The following VDAC1 variants were observed in gnomAD, a reference collection of about 807,000 sequenced individuals.
The protein encoded by VDAC1 is voltage dependent anion channel 1.
VDAC1 carries 10 observed loss-of-function variants against 34.7 expected under a neutral mutation model. That is an observed-to-expected ratio of 0.29 (90% CI 0.18 to 0.49). The LOEUF (loss-of-function observed/expected upper bound fraction) is 0.49, where lower values mean the gene tolerates loss of function less well. VDAC1 is among the 20% of genes least tolerant of loss of function. VDAC1 has a pLI of 0.99. For missense variants in VDAC1, 230 were observed against 347.9 expected, an observed-to-expected ratio of 0.66 and a Z score of 2.69; for synonymous variants, 130 against 136.0, an observed-to-expected ratio of 0.96 and a Z score of 0.30.
the VDAC1 span, among the ~76,000 whole-genome samples, chr5:134,053,723 G>A: frequency 6.6e-6 from 1 of 152,208 alleles, no homozygotes; most frequent in East Asian, 1.9e-4. Flanking sequence ...GTGCTACCCA[G>A]TCAGGGCAGC....
the VDAC1 span, among the ~76,000 whole-genome samples, chr5:134,071,573 A>G: frequency 1.3e-5 from 2 of 152,380 alleles, no homozygotes; most frequent in South Asian, 2.1e-4. This position sits in a 1 kb window ranked among gnomAD's most constrained non-coding sequence, Gnocchi z 4.1. Context: ...CCAGACCAAA[A>G]GTAACACCTT....
the VDAC1 span, among the ~76,000 whole-genome samples, chr5:134,110,240 A>C: frequency 6.6e-6 from 1 of 152,234 alleles, no homozygotes; most frequent in Non-Finnish European, 1.5e-5. Flanking sequence ...ATGAACTGCC[A>C]ATTTTGTTAT....
chr5:134,087,341 G>A, the VDAC1 span, among the ~76,000 whole-genome samples: 7 of 151,882 alleles, frequency 4.6e-5, no homozygotes, highest in East Asian at 5.8e-4. Flanking sequence ...TGAAAGGTCC[G>A]GGGAAGAGCC....
At chr5:134,078,251 T>C in the VDAC1 span, among the ~76,000 whole-genome samples, 2 of 151,990 alleles carry the variant, frequency 1.3e-5, no homozygotes, top group Non-Finnish European at 2.9e-5. Context: ...AAAACTGAGC[T>C]GCACACACAG....
chr5:133,972,788 G>T lies in VDAC1; in HGVS notation c.835C>A (p.Leu279Met). The T allele has an allele frequency of 6.2e-7, 1 of 1,609,392 alleles. No homozygotes were observed. The highest frequency in any genetic ancestry group is 8.5e-7 in the Non-Finnish European group (1 of 1,175,766). ...NAGGHKLGLG[L>M]EFQA ...GTATTCATTTATGCTTGAAATTCCA[G>T]TCCTAGACCAAGCTTGTGGCCACCA... The change falls in exon 9 of 9, where the codon CTG (leucine) becomes ATG (methionine). Residue 279 changes from leucine (L) to methionine (M), a missense_variant. Coordinates refer to ENST00000265333, the MANE Select transcript of VDAC1 (RefSeq NM_003374.3).
At chr5:134,095,314 T>C in the VDAC1 span, among the ~76,000 whole-genome samples, 1 of 151,722 alleles carries the variant, frequency 6.6e-6, no homozygotes, top group African/African-American at 2.4e-5. Flanking sequence ...AGATCCCATC[T>C]CTACAAAAAA....
the VDAC1 span, among the ~76,000 whole-genome samples, chr5:134,061,768 A>G: frequency 6.6e-6 from 1 of 151,562 alleles, no homozygotes; most frequent in Non-Finnish European, 1.5e-5. Context: ...TCTTTTTCTC[A>G]TCTTACTATG....
chr5:134,001,899 C>T (rs976479698), intron 1 of VDAC1, among the ~76,000 whole-genome samples: 3 of 151,996 alleles, frequency 2.0e-5, no homozygotes, highest in East Asian at 1.9e-4. Flanking sequence ...CCCCTGAGTA[C>T]GTGGTAAAAT....
the VDAC1 span, among the ~76,000 whole-genome samples, chr5:134,108,426 G>C: frequency 1.8e-3 from 273 of 152,320 alleles, 1 homozygote; most frequent in African/African-American, 6.3e-3. Context: ...CCTGGTTAGA[G>C]CTGTGGTGAG....
At chr5:134,064,648 T>C in the VDAC1 span, among the ~76,000 whole-genome samples, 1 of 152,068 alleles carries the variant, frequency 6.6e-6, no homozygotes. Flanking sequence ...GATTTGTTAC[T>C]AAGCAATAGA....
rs942707859 is a variant in VDAC1, at chr5:133,995,525, A to C, written c.-6-2507T>G. Among the ~76,000 whole-genome samples the C allele has an allele frequency of 4.6e-5, 7 of 152,304 alleles. No homozygotes were observed. The South Asian group carries it at 1.5e-3, about 32-fold the overall frequency. On this transcript the variant is annotated intron_variant, in intron 1 of 8. Transcript: ENST00000265333. The stretch of plus-strand genomic sequence containing the variant: ...AGAAACCACTGGCTGAATGGAGTCA[A>C]GTCCACTCCTGGGCCTGAAGTGACA...
chr5:134,039,908 CTCCTGCAGTCTGGA>C, the VDAC1 span, among the ~76,000 whole-genome samples: 21 of 152,316 alleles, frequency 1.4e-4, no homozygotes, highest in African/African-American at 4.8e-4. Context: ...TTCCAGACTG[CTCCTGCAGTCTGGA>C]ACGCAGACAC....
chr5:133,989,347 T>C (rs1753016968), intron 5 of VDAC1: 2 of 151,090 alleles, frequency 1.3e-5, no homozygotes, highest in African/African-American at 4.9e-5. Flanking sequence ...GTTTTATATG[T>C]ATATCTTACC....
intron 5 of VDAC1, among the ~76,000 whole-genome samples, chr5:133,987,852 A>G (rs1411583151): frequency 2.0e-5 from 3 of 152,256 alleles, no homozygotes; most frequent in African/African-American, 7.2e-5. Flanking sequence ...ATCACCAAAA[A>G]TGAGGCCTAC....
chr5:134,017,729 C>A, the VDAC1 span, among the ~76,000 whole-genome samples: 89 of 151,920 alleles, frequency 5.9e-4, no homozygotes, highest in African/African-American at 2.0e-3. Flanking sequence ...CTGGCTAACA[C>A]GGTGAAACCC....
the VDAC1 span, among the ~76,000 whole-genome samples, chr5:134,048,303 G>A: frequency 8.1e-5 from 12 of 147,274 alleles, no homozygotes; most frequent in Non-Finnish European, 1.0e-4. Context: ...GTCTCGCTCT[G>A]TCGCCCAGGC....
chr5:133,979,315 G>A (rs1432217170), intron 6 of VDAC1, among the ~76,000 whole-genome samples: 1 of 150,858 alleles, frequency 6.6e-6, no homozygotes, highest in Non-Finnish European at 1.5e-5. Flanking sequence ...ATGCCAATCA[G>A]AATTCTACGT....
chr5:133,980,095 C>T (rs1352921702), intron 6 of VDAC1, among the ~76,000 whole-genome samples: 2 of 152,186 alleles, frequency 1.3e-5, no homozygotes, highest in African/African-American at 4.8e-5. Flanking sequence ...TTGTGCCTGT[C>T]ACAGGTTAAT....
At chr5:134,110,890 A>T in the VDAC1 span, among the ~76,000 whole-genome samples, 3 of 152,250 alleles carry the variant, frequency 2.0e-5, no homozygotes, top group African/African-American at 7.2e-5. Flanking sequence ...AGCTCTAGCC[A>T]TGATTAAGTG....
Sources: allele counts gnomAD v4.1 joint callset (sites outside exome capture counted in the v4.1 genomes callset), GRCh38; gene constraint gnomAD v4.1.1; non-coding constraint Gnocchi (gnomAD v3.1); transcripts MANE v1.5; gene names NCBI Gene and HGNC (gene_info 2026-07-23, HGNC 2026-07-21).